The following CNTNAP4 variants were observed in gnomAD, a reference collection of about 807,000 sequenced individuals.
CNTNAP4 encodes contactin associated protein family member 4.
CNTNAP4 carries 98 observed loss-of-function variants against 148.4 expected under a neutral mutation model. The observed-to-expected ratio is 0.66, with a 90% CI of 0.56 to 0.78. CNTNAP4 has a LOEUF of 0.78. Among genes scored for constraint, CNTNAP4 ranks in the 30% least tolerant of loss-of-function variants. CNTNAP4 has a pLI of 0.00. For missense variants in CNTNAP4, 1,935 were observed against 1,565.6 expected (o/e 1.24, Z -3.98); for synonymous variants, 730 against 565.1 (o/e 1.29, Z -4.14).
intron 3 of CNTNAP4, among the ~76,000 whole-genome samples, chr16:76,387,098 C>A (rs1452522598): frequency 6.6e-6 from 1 of 152,108 alleles, no homozygotes; most frequent in African/African-American, 2.4e-5. Flanking sequence ...CCCAGTGAAA[C>A]CTGTGTCAGA....
intron 15 of CNTNAP4, 102 bp downstream of exon 15, chr16:76,498,796 A>G: frequency 3.4e-6 from 4 of 1,166,958 alleles, no homozygotes; most frequent in Non-Finnish European, 4.6e-6. Context: ...AACTAATCAG[A>G]CTTCTATTGT....
At chr16:76,517,377 T>C (rs2083289328) in intron 15 of CNTNAP4, among the ~76,000 whole-genome samples, 1 of 152,208 alleles carries the variant, frequency 6.6e-6, no homozygotes, top group South Asian at 2.1e-4. Flanking sequence ...GTGCATGGAA[T>C]CTTTCTGTGT....
At chr16:76,431,927 T>C (rs1025919023) in intron 4 of CNTNAP4, among the ~76,000 whole-genome samples, 8 of 152,122 alleles carry the variant, frequency 5.3e-5, no homozygotes, top group Non-Finnish European at 1.0e-4. Context: ...TTTTGACACA[T>C]TGAGTTCAAG....
At chr16:76,459,337 A>G (rs112640112) in intron 8 of CNTNAP4, among the ~76,000 whole-genome samples, 1 of 152,166 alleles carries the variant, frequency 6.6e-6, no homozygotes, top group African/African-American at 2.4e-5. Flanking sequence ...TTCAGAGTCC[A>G]CTCTTAGAAA....
Position 76,399,656 on chromosome 16 carries a change from G to A in CNTNAP4, c.391-27796G>A, listed in dbSNP as rs74833448. On this transcript the variant is annotated intron_variant, in intron 3 of 23. Coordinates refer to ENST00000611870, the MANE Select transcript of CNTNAP4 (RefSeq NM_033401.5). ...GAGTATCTTTTGCATTTCCTTTTTC[G>A]TTTATAGTTTCTGGTGTATATGTAA... Among the ~76,000 whole-genome samples, 56 of 152,186 alleles carry A rather than the reference G, an allele frequency of 3.7e-4. No individual in the cohort carries two copies. In the East Asian group the frequency reaches 6.2e-3, roughly 17 times the overall value.
Position 76,522,065 on chromosome 16 carries a change from G to C in CNTNAP4, c.2563G>C (p.Asp855His). Reference protein sequence around the residue: ...RSPTVVTFSFDVGNGPFEISV... With the variant: ...RSPTVVTFSFHVGNGPFEISV... ...TCCGACAGTAGTGACTTTTTCATTT[G>C]ATGTGGGGAATGGGCCTTTTGAAAT... The change falls in exon 17 of 24, where the codon GAT becomes CAT. Residue 855 changes from aspartate to histidine, a missense_variant. Asp to His is a moderately conservative substitution (Grantham distance 81). Coordinates refer to ENST00000611870, the MANE Select transcript of CNTNAP4 (RefSeq NM_033401.5). The C allele has an allele frequency of 6.2e-7, 1 of 1,613,834 alleles. No homozygotes were observed. Among genetic ancestry groups the C allele is most frequent in the Non-Finnish European group, 8.5e-7 (1 of 1,179,802 alleles).
At chr16:76,426,083 A>G (rs2079387587) in intron 3 of CNTNAP4, among the ~76,000 whole-genome samples, 1 of 152,142 alleles carries the variant, frequency 6.6e-6, no homozygotes, top group Non-Finnish European at 1.5e-5. Flanking sequence ...ATGCCATCAC[A>G]GCTGTGCCTG....
intron 2 of CNTNAP4, among the ~76,000 whole-genome samples, chr16:76,340,681 A>C (rs562110008): frequency 1.3e-5 from 2 of 152,184 alleles, no homozygotes; most frequent in African/African-American, 4.8e-5. Context: ...CTAGCATGCA[A>C]ACATCAGGAA....
intron 12 of CNTNAP4, among the ~76,000 whole-genome samples, chr16:76,481,269 A>G (rs1296298975): frequency 6.6e-6 from 1 of 152,264 alleles, no homozygotes. Context: ...TGTGCTGTCC[A>G]ACATGGTAGC....
intron 3 of CNTNAP4, among the ~76,000 whole-genome samples, chr16:76,394,366 G>A (rs2078126903): frequency 6.6e-6 from 1 of 152,038 alleles, no homozygotes; most frequent in African/African-American, 2.4e-5. Flanking sequence ...TTCATAGTGT[G>A]AAAAGTCTAA....
chr16:76,384,361 A>G (rs1300736336), intron 3 of CNTNAP4, among the ~76,000 whole-genome samples: 1 of 152,088 alleles, frequency 6.6e-6, no homozygotes, highest in East Asian at 1.9e-4. Context: ...GTCTTATACA[A>G]TACAACTTTA....
intron 2 of CNTNAP4, among the ~76,000 whole-genome samples, chr16:76,333,186 C>T (rs1559329): frequency 0.18 from 26,853 of 152,140 alleles, 2,908 homozygotes; most frequent in East Asian, 0.32. Context: ...TCAGGTCGTG[C>T]CATACCACTA....
At position 76,433,595 on chromosome 16, in the gene CNTNAP4, T is replaced by G. The variant is rs2079696583; in HGVS notation, c.538+5996T>G. ...AAAGTACTGTAAAAGCACAGACATT[T>G]ACCTGGGTGAGGAAAACAAAACATT... On this transcript the variant is annotated intron_variant, in intron 4 of 23. Coordinates refer to ENST00000611870, the MANE Select transcript of CNTNAP4 (RefSeq NM_033401.5). 2.0e-5 allele frequency among the ~76,000 whole-genome samples: 3 copies of G among 152,164 alleles called. No homozygotes were observed. In the South Asian group the frequency reaches 6.2e-4, roughly 31 times the overall value.
intron 21 of CNTNAP4, among the ~76,000 whole-genome samples, chr16:76,549,083 A>C (rs1188844838): frequency 2.6e-5 from 4 of 151,984 alleles, no homozygotes; most frequent in Admixed American, 6.6e-5. Context: ...GGGATCCTGG[A>C]GGGAACCAGT....
At chr16:76,298,481 CATGTATGTGTGTGT>C (rs1334046512) in intron 1 of CNTNAP4, among the ~76,000 whole-genome samples, 12 of 134,928 alleles carry the variant, frequency 8.9e-5, no homozygotes, top group African/African-American at 3.4e-4. Context: ...CATGTGTGTA[CATGTATGTGTGTGT>C]GTGTGTGTGT....
intron 3 of CNTNAP4, among the ~76,000 whole-genome samples, chr16:76,385,101 A>G (rs1427790517): frequency 1.3e-5 from 2 of 152,236 alleles, no homozygotes; most frequent in African/African-American, 2.4e-5. Context: ...TGACAGGAGC[A>G]TAATTATAAA....
intron 1 of CNTNAP4, among the ~76,000 whole-genome samples, chr16:76,289,711 C>T (rs1342972574): frequency 6.6e-6 from 1 of 152,038 alleles, no homozygotes; most frequent in East Asian, 1.9e-4. Flanking sequence ...GTAGTGACTA[C>T]AGGCACCTGC....
intron 9 of CNTNAP4, among the ~76,000 whole-genome samples, chr16:76,465,783 T>A (rs1004736250): frequency 6.6e-6 from 1 of 152,294 alleles, no homozygotes; most frequent in African/African-American, 2.4e-5. Flanking sequence ...CAAAAAGCTT[T>A]GATGAATTTT....
rs1236002735 is a variant in CNTNAP4 at position 76,448,851 on chromosome 16, T to C, written c.827T>C (p.Leu276Pro). The C allele has an allele frequency of 1.9e-6, 3 of 1,613,414 alleles. No individual in the cohort carries two copies. Among genetic ancestry groups the C allele is most frequent in the Admixed American group, 1.7e-5 (1 of 59,968 alleles). The change falls in exon 6 of 24, where the codon CTC becomes CCC. Residue 276 changes from leucine to proline, a missense_variant. Coordinates refer to ENST00000611870, the MANE Select transcript of CNTNAP4 (RefSeq NM_033401.5). ...LLDDQHWHSVLIQRLGKQVNF... is the reference protein window; with the variant it reads ...LLDDQHWHSVPIQRLGKQVNF... ...GATGATCAGCATTGGCATTCAGTGC[T>C]CATCCAGCGTTTGGGCAAACAAGTC...
Sources: gnomAD v4.1 joint callset for allele counts (sites outside exome capture counted in the v4.1 genomes callset) on GRCh38, gnomAD v4.1.1 for gene constraint, MANE v1.5 for transcripts, NCBI Gene and HGNC (gene_info 2026-07-23, HGNC 2026-07-21) for gene names.